The following EYS variants were observed in gnomAD, a reference collection of about 807,000 sequenced individuals.
EYS encodes protein eyes shut homolog.
Under a neutral mutation model 282.1 loss-of-function variants are expected in EYS, and 250 were observed. The ratio of observed to expected loss-of-function variants is 0.89; its 90% CI spans 0.80 to 0.98. The LOEUF (loss-of-function observed/expected upper bound fraction) is 0.98, where lower values mean the gene tolerates loss of function less well. EYS is among the 50% of genes least tolerant of loss of function. EYS has a pLI of 0.00. For synonymous variants in EYS, 1,355 were observed against 1,282.9 expected, an observed-to-expected ratio of 1.06 and a Z score of -1.20; for missense variants, 4,016 against 3,709.0, an observed-to-expected ratio of 1.08 and a Z score of -2.15.
chr6:63,747,770 C>A (rs977688449), intron 41 of EYS, among the ~76,000 whole-genome samples: 10 of 151,462 alleles, frequency 6.6e-5, no homozygotes, highest in Non-Finnish European at 1.3e-4. Flanking sequence ...AGGATTGCAA[C>A]CTCTGCTTAT....
chr6:65,417,467 C>A (rs1310701401), intron 5 of EYS, among the ~76,000 whole-genome samples: 1 of 151,978 alleles, frequency 6.6e-6, no homozygotes, highest in Non-Finnish European at 1.5e-5. Flanking sequence ...TAGGATTGAG[C>A]ACACAACCTA....
At chr6:63,723,829 T>C (rs1582143048) in intron 42 of EYS, among the ~76,000 whole-genome samples, 1 of 142,628 alleles carries the variant, frequency 7.0e-6, no homozygotes, top group East Asian at 2.1e-4. Context: ...ATTATTATTA[T>C]TATTATTTTG....
chr6:65,538,115 A>T (rs1223424787), intron 2 of EYS, among the ~76,000 whole-genome samples: 1 of 152,174 alleles, frequency 6.6e-6, no homozygotes, highest in Non-Finnish European at 1.5e-5. Flanking sequence ...AATGTACTTT[A>T]AAGAGTTTCT....
chr6:64,984,660 A>G (rs1055518795), intron 14 of EYS, among the ~76,000 whole-genome samples: 2 of 151,454 alleles, frequency 1.3e-5, no homozygotes, highest in Admixed American at 1.3e-4. Flanking sequence ...ACTATTTTAA[A>G]TTGTAAATTT....
chr6:64,683,556 G>A (rs1392468527), intron 22 of EYS, among the ~76,000 whole-genome samples: 4 of 152,124 alleles, frequency 2.6e-5, no homozygotes, highest in African/African-American at 4.8e-5. Flanking sequence ...ATAAAGTACT[G>A]AAAATACAGG....
chr6:65,339,050 A>G (rs985080482), intron 10 of EYS, among the ~76,000 whole-genome samples: 5 of 151,264 alleles, frequency 3.3e-5, no homozygotes, highest in Non-Finnish European at 5.9e-5. Flanking sequence ...AAAATTCTGT[A>G]AGATCTAATA....
At chr6:65,599,321 C>T (rs547248328) in intron 2 of EYS, among the ~76,000 whole-genome samples, 1 of 152,204 alleles carries the variant, frequency 6.6e-6, no homozygotes, top group Non-Finnish European at 1.5e-5. Context: ...TTTGGAAACA[C>T]ATGGACCCAG....
intron 12 of EYS, among the ~76,000 whole-genome samples, chr6:65,100,826 A>G (rs1433745114): frequency 3.3e-5 from 5 of 150,920 alleles, no homozygotes; most frequent in Admixed American, 6.6e-5. Context: ...CTTAAGATAC[A>G]TGAAAGCTGA....
chr6:64,064,156 T>C (rs145647275), intron 33 of EYS, among the ~76,000 whole-genome samples: 69 of 152,338 alleles, frequency 4.5e-4, no homozygotes, highest in African/African-American at 1.6e-3. Context: ...TAACAACATA[T>C]CTCAAATTAT....
At chr6:65,249,673 C>G (rs1767269537) in intron 12 of EYS, among the ~76,000 whole-genome samples, 1 of 151,952 alleles carries the variant, frequency 6.6e-6, no homozygotes, top group South Asian at 2.1e-4. Flanking sequence ...ACAAAGCAAG[C>G]ATTAAAACAC....
intron 2 of EYS, among the ~76,000 whole-genome samples, chr6:65,596,039 A>G (rs905023269): frequency 3.9e-5 from 6 of 152,076 alleles, no homozygotes; most frequent in African/African-American, 1.4e-4. Flanking sequence ...ATGAATTGAT[A>G]TCTCTCATCA....
In EYS at chr6:64,563,835, AG is replaced by A. The variant is rs558572741; in HGVS notation, c.5644+26387del. Among the ~76,000 whole-genome samples, 94 of 152,286 alleles carry A rather than the reference AG, an allele frequency of 6.2e-4. 1 individual carries two copies. The highest frequency in any genetic ancestry group is 1.9e-3 in the African/African-American group (79 of 41,594). ...AGGTATTATACATCAGAATAAAAAA[AG>A]GAATAAAATATTCTCAAAGTAAATT... On this transcript the variant is annotated intron_variant, in intron 26 of 42. Coordinates refer to ENST00000503581, the MANE Select transcript of EYS (RefSeq NM_001142800.2).
At chr6:65,486,943 A>G (rs1293978985) in intron 5 of EYS, among the ~76,000 whole-genome samples, 1 of 152,136 alleles carries the variant, frequency 6.6e-6, no homozygotes, top group Non-Finnish European at 1.5e-5. Flanking sequence ...GCAATTGTGA[A>G]TGGGAGTTCA....
chr6:65,575,638 G>T (rs1030131323), intron 2 of EYS, among the ~76,000 whole-genome samples: 4 of 151,390 alleles, frequency 2.6e-5, no homozygotes, highest in African/African-American at 4.8e-5. Flanking sequence ...CAACAGAAAA[G>T]AAATCAACCA....
intron 33 of EYS, among the ~76,000 whole-genome samples, chr6:64,000,223 G>A (rs1208456505): frequency 4.8e-5 from 5 of 103,268 alleles, no homozygotes; most frequent in South Asian, 3.5e-4. Context: ...ACAGAGTCTC[G>A]CTCTGTCGCC....
chr6:65,552,513 T>C (rs4506027), intron 2 of EYS, among the ~76,000 whole-genome samples: 83,440 of 151,912 alleles, frequency 0.55, 22,956 homozygotes, highest in East Asian at 0.71. Flanking sequence ...TTTTCAAATA[T>C]TGCACAAACT....
At chr6:63,824,935 G>A (rs776125479) in intron 36 of EYS, among the ~76,000 whole-genome samples, 39 of 152,204 alleles carry the variant, frequency 2.6e-4, no homozygotes, top group African/African-American at 8.4e-4. Context: ...CGCCAATCCC[G>A]CTTGCAGAGT....
chr6:65,210,264 G>A (rs551116420), intron 12 of EYS, among the ~76,000 whole-genome samples: 101 of 152,084 alleles, frequency 6.6e-4, no homozygotes, highest in Non-Finnish European at 1.1e-3. Flanking sequence ...CAGGCATAAT[G>A]TTTCAGTCTT....
intron 12 of EYS, among the ~76,000 whole-genome samples, chr6:65,284,447 A>AT (rs1228885412): frequency 6.6e-6 from 1 of 152,112 alleles, no homozygotes; most frequent in African/African-American, 2.4e-5. Flanking sequence ...TTTAAAAACT[A>AT]TTTTTACCAT....
Sources: allele counts gnomAD v4.1 joint callset (sites outside exome capture counted in the v4.1 genomes callset), GRCh38; gene constraint gnomAD v4.1.1; transcripts MANE v1.5; gene names NCBI Gene and HGNC (gene_info 2026-07-23, HGNC 2026-07-21).